Variants in IBA57 observed in about 807,000 individuals in gnomAD.
The protein encoded by IBA57 is iron-sulfur cluster assembly factor IBA57, mitochondrial.
Under a neutral mutation model 20.4 loss-of-function variants are expected in IBA57, and 20 were observed. The observed-to-expected ratio is 0.98, with a 90% CI of 0.69 to 1.42. The LOEUF is 1.42. IBA57 is among the 40% of genes most tolerant of loss of function. The pLI is 0.00. For synonymous variants in IBA57, 310 were observed against 233.9 expected, an observed-to-expected ratio of 1.33 and a Z score of -2.97; for missense variants, 608 against 499.3, an observed-to-expected ratio of 1.22 and a Z score of -2.07.
At chr1:228,167,218 G>A (rs2034865434) in intron 1 of IBA57, among the ~76,000 whole-genome samples, 1 of 152,118 alleles carries the variant, frequency 6.6e-6, no homozygotes. Context: ...CACATCTCTG[G>A]GCACTTAGTG....
At position 228,170,161 on chromosome 1, in the gene IBA57, GC is replaced by G. The variant is rs1180287267; in HGVS notation, c.341+4007del. On this transcript the variant is annotated intron_variant, in intron 1 of 2. Transcript: ENST00000366711. This position sits in a 1 kb window ranked among gnomAD's most constrained non-coding sequence, Gnocchi z 4.8. ...TGGGATTACAGGCGTGAGCCACGGC[GC>G]CCGGCCGACAGCTAATTTCTTTTAG... 6.6e-6 allele frequency among the ~76,000 whole-genome samples: 1 copy of G among 152,106 alleles called. No individual in the cohort carries two copies. The highest frequency in any genetic ancestry group is 2.4e-5 in the African/African-American group (1 of 41,404).
chr1:228,166,213 A>T, intron 1 of IBA57, 56 bp downstream of exon 1: 2 of 1,029,308 alleles, frequency 1.9e-6, no homozygotes, highest in Admixed American at 5.1e-5. Flanking sequence ...GTGGCCAGGG[A>T]CCGGCACCCA....
intron 1 of IBA57, among the ~76,000 whole-genome samples, chr1:228,167,081 A>G (rs1366308267): frequency 6.6e-6 from 1 of 152,208 alleles, no homozygotes; most frequent in Non-Finnish European, 1.5e-5. Flanking sequence ...TCTCGCTGCC[A>G]GCTTTTCTGA....
In IBA57 at chr1:228,179,163, C is replaced by G. The variant is rs1008547912; in HGVS notation, c.*3650C>G. On this transcript the variant is annotated 3_prime_UTR_variant, in exon 3 of 3. Transcript: ENST00000366711. ...AAATTGTCAACACACACACACAGTA[C>G]CATAAACAAGGCCCAGCAGAAAGGC... 6.6e-6 allele frequency: 1 copy of G among 151,178 alleles called. No homozygotes were observed. The highest frequency in any genetic ancestry group is 2.4e-5 in the African/African-American group (1 of 41,064). The allele number at this position is 151,178 out of a possible 1,614,324, so 9.4% of individuals were successfully genotyped here.
In IBA57 at chr1:228,175,820, C is replaced by T. The variant is rs1038397706; in HGVS notation, c.*307C>T. 2.5e-5 allele frequency: 7 copies of T among 280,096 alleles called. No homozygotes were observed. The highest frequency in any genetic ancestry group is 8.8e-5 in the African/African-American group (4 of 45,556). The allele number at this position is 280,096 out of a possible 1,614,324, so 17.4% of individuals were successfully genotyped here. The stretch of plus-strand genomic sequence containing the variant: ...CACAGGGTTGTCTGGGAGGACGGGA[C>T]GGTGTCTCTGGCCAGCACTGGCAGC... On this transcript the variant is annotated 3_prime_UTR_variant, in exon 3 of 3. Coordinates refer to ENST00000366711, the MANE Select transcript of IBA57 (RefSeq NM_001010867.4).
At chr1:228,174,003 C>T (rs2034963426) in intron 1 of IBA57, among the ~76,000 whole-genome samples, 3 of 152,224 alleles carry the variant, frequency 2.0e-5, no homozygotes, top group Admixed American at 6.5e-5. Context: ...GCCTGCTGTG[C>T]GTTGTCTGCA....
intron 1 of IBA57, among the ~76,000 whole-genome samples, chr1:228,174,202 T>C (rs1346321511): frequency 0.026 from 503 of 19,030 alleles, 8 homozygotes; most frequent in African/African-American, 0.096. Flanking sequence ...GCTGTGGGCG[T>C]GGCTCGCTGT....
rs566416620 is a variant in IBA57, at chr1:228,169,339, C to T, written c.341+3182C>T. 5.3e-5 allele frequency among the ~76,000 whole-genome samples: 8 copies of T among 152,280 alleles called. No individual in the cohort carries two copies. In the East Asian group the frequency reaches 1.5e-3, roughly 29 times the overall value. ...ATCCTGAGCCATCGCTTCCTTAAAG[C>T]ACCCTATTCTTGTTTCCTGAATGTA... On this transcript the variant is annotated intron_variant, in intron 1 of 2. Transcript: ENST00000366711.
intron 1 of IBA57, among the ~76,000 whole-genome samples, chr1:228,168,460 G>A (rs889815165): frequency 1.7e-4 from 26 of 152,204 alleles, no homozygotes; most frequent in Non-Finnish European, 3.2e-4. Flanking sequence ...CATCATTCAA[G>A]GGTCAGCTGT....
At chr1:228,167,944 T>G (rs972254820) in intron 1 of IBA57, among the ~76,000 whole-genome samples, 7 of 152,362 alleles carry the variant, frequency 4.6e-5, no homozygotes, top group Non-Finnish European at 8.8e-5. Context: ...GATGTTGATT[T>G]TGGTCCCCAA....
At position 228,175,532 on chromosome 1, in the gene IBA57, G is replaced by T. The variant is rs56137152; in HGVS notation, c.*19G>T. 7 of 1,537,664 alleles carry T rather than the reference G, an allele frequency of 4.6e-6. No homozygotes were observed. The highest frequency in any genetic ancestry group is 6.1e-6 in the Non-Finnish European group (7 of 1,141,174). ...CAAGTAGTCCGAAGCCTTGGCTGGCGCAGGCTGATGGGGAGGCTGGGGCCT... is the reference window on the plus strand; with the variant it reads ...CAAGTAGTCCGAAGCCTTGGCTGGCTCAGGCTGATGGGGAGGCTGGGGCCT... On this transcript the variant is annotated 3_prime_UTR_variant, in exon 3 of 3. Transcript: ENST00000366711.
At chr1:228,169,183 A>C (rs1027574015) in intron 1 of IBA57, among the ~76,000 whole-genome samples, 13 of 152,136 alleles carry the variant, frequency 8.5e-5, no homozygotes, top group African/African-American at 3.1e-4. Flanking sequence ...GGCAGCCTGC[A>C]GGTCAGGGAC....
intron 1 of IBA57, among the ~76,000 whole-genome samples, chr1:228,174,181 G>GT (rs1394102746): frequency 5.8e-5 from 6 of 103,940 alleles, no homozygotes; most frequent in Admixed American, 9.4e-5. Context: ...GGCTCGCTGT[G>GT]GGCGTGGCTC....
intron 1 of IBA57, among the ~76,000 whole-genome samples, chr1:228,167,632 C>T (rs911579632): frequency 9.8e-5 from 15 of 152,308 alleles, no homozygotes; most frequent in Admixed American, 8.5e-4. Context: ...GCAGGGATTA[C>T]AGGTGTGAGC....
chr1:228,172,468 ACCATAGTG>A (rs1259541861), intron 1 of IBA57: 1 of 151,932 alleles, frequency 6.6e-6, no homozygotes, highest in Non-Finnish European at 1.5e-5. Context: ...CTTTTCCCTC[ACCATAGTG>A]CCCTCAGATC....
rs1367388564 is a variant in IBA57 at position 228,165,964 on chromosome 1, T to A, written c.148T>A (p.Cys50Ser). 1 of 1,514,874 alleles carries A rather than the reference T, an allele frequency of 6.6e-7. No individual in the cohort carries two copies. Among genetic ancestry groups the A allele is most frequent in the Admixed American group, 2.0e-5 (1 of 49,156 alleles). 93.8% of individuals were successfully genotyped at this position (1,514,874 alleles called of 1,614,324 possible). A position where few individuals can be genotyped will look rare whatever the true frequency, so the allele number is the denominator to read the frequency against. Residue 50 changes from cysteine to serine, a missense_variant, in exon 1 of 3, where the codon TGC becomes AGC. Physicochemically the swap from Cys to Ser is moderately radical, Grantham distance 112 (BLOSUM62 -1). Transcript: ENST00000366711. ...CCCAACGGCCGGAGCGGCCTGGGCC[T>A]GCTTCCGGCTGGACGGGCGCACCCT... is the stretch of plus-strand genomic sequence containing the variant. Reference protein sequence around the residue: ...GDPTAGAAWACFRLDGRTLLR... With the variant: ...GDPTAGAAWASFRLDGRTLLR...
Position 228,180,257 on chromosome 1 carries a change from T to C in IBA57, c.*4744T>C, listed in dbSNP as rs1318418343. 6.7e-6 allele frequency: 1 copy of C among 149,878 alleles called. No homozygotes were observed. The highest frequency in any genetic ancestry group is 1.5e-5 in the Non-Finnish European group (1 of 67,676). The allele number at this position is 149,878 out of a possible 1,614,324, so 9.3% of individuals were successfully genotyped here. ...TTTGCTGCCAGCAGAGCCTAGAGCG[T>C]CTAAGGCATGTCTGGGCTTCTGGCG... is the stretch of plus-strand genomic sequence containing the variant. On this transcript the variant is annotated 3_prime_UTR_variant, in exon 3 of 3. Transcript: ENST00000366711.
chr1:228,168,474 T>A (rs1486973565), intron 1 of IBA57, among the ~76,000 whole-genome samples: 1 of 152,142 alleles, frequency 6.6e-6, no homozygotes, highest in Non-Finnish European at 1.5e-5. Flanking sequence ...CAGCTGTCTG[T>A]CCTTTCTGTG....
chr1:228,174,662 T>C (rs201889314), intron 1 of IBA57, 30 bp from the exon 2 acceptor site: 41 of 1,489,920 alleles, frequency 2.8e-5, no homozygotes, highest in Non-Finnish European at 3.7e-5. Context: ...GTTGGTGAGC[T>C]GCCATGCGCC....
Sources: allele counts gnomAD v4.1 joint callset (sites outside exome capture counted in the v4.1 genomes callset), GRCh38; gene constraint gnomAD v4.1.1; non-coding constraint Gnocchi (gnomAD v3.1); transcripts MANE v1.5; gene names NCBI Gene and HGNC (gene_info 2026-07-23, HGNC 2026-07-21).